The following ZFYVE28 variants were observed in gnomAD, a reference collection of about 807,000 sequenced individuals.
ZFYVE28 encodes zinc finger FYVE-type containing 28, also known as lateral signaling target protein 2 homolog.
ZFYVE28 carries 40 observed loss-of-function variants against 82.1 expected under a neutral mutation model. The observed-to-expected ratio is 0.49, with a 90% confidence interval of 0.38 to 0.63. The LOEUF is 0.63. Among genes scored for constraint, ZFYVE28 ranks in the 30% least tolerant of loss-of-function variants. The pLI is 0.00. For missense variants in ZFYVE28, 1,321 were observed against 1,242.1 expected (o/e 1.06, Z -0.96); for synonymous variants, 612 against 546.1 (o/e 1.12, Z -1.68).
intron 1 of ZFYVE28, among the ~76,000 whole-genome samples, chr4:2,393,158 G>A (rs1730017101): frequency 6.6e-6 from 1 of 152,172 alleles, no homozygotes; most frequent in Admixed American, 6.5e-5. Flanking sequence ...GACCCCCACA[G>A]CTCCTCGGCC....
rs555029022 is a variant in ZFYVE28, at chr4:2,379,157, C to G, written c.40-25084G>C. On this transcript the variant is annotated intron_variant, in intron 1 of 12. Coordinates refer to ENST00000290974, the MANE Select transcript of ZFYVE28 (RefSeq NM_020972.3). ...CCCCCAGTCTGCACCATGCTGGCAG[C>G]AGAACCCGTGCCAGAGAGCAAGGAG... is the stretch of plus-strand genomic sequence containing the variant. Among the ~76,000 whole-genome samples the G allele has an allele frequency of 1.3e-5, 2 of 152,326 alleles. 1 individual carries two copies. Among genetic ancestry groups the G allele is most frequent in the South Asian group, 4.1e-4 (2 of 4,824 alleles).
At chr4:2,303,717 G>A (rs923601256) in intron 8 of ZFYVE28, among the ~76,000 whole-genome samples, 2 of 152,092 alleles carry the variant, frequency 1.3e-5, no homozygotes, top group Non-Finnish European at 2.9e-5. Flanking sequence ...CCTGGGAGGG[G>A]CAGAGGCCCT....
chr4:2,319,496 G>A (rs906444555), intron 7 of ZFYVE28, among the ~76,000 whole-genome samples: 11 of 152,128 alleles, frequency 7.2e-5, no homozygotes, highest in East Asian at 1.9e-4. Flanking sequence ...CTGGGTCCCC[G>A]AAGGAAACCT....
At chr4:2,371,141 G>C (rs1014504095) in intron 1 of ZFYVE28, among the ~76,000 whole-genome samples, 12 of 152,188 alleles carry the variant, frequency 7.9e-5, no homozygotes, top group African/African-American at 2.9e-4. Context: ...GAGCTCACGT[G>C]GGGGCTGAGT....
chr4:2,384,216 C>T (rs778891745), intron 1 of ZFYVE28, among the ~76,000 whole-genome samples: 5 of 152,176 alleles, frequency 3.3e-5, no homozygotes, highest in East Asian at 1.9e-4. Context: ...CTTCGACAAA[C>T]GCTGAGGAAC....
At chr4:2,280,327 A>G (rs1711791485) in intron 8 of ZFYVE28, among the ~76,000 whole-genome samples, 1 of 152,048 alleles carries the variant, frequency 6.6e-6, no homozygotes. Flanking sequence ...GGGCAACATG[A>G]CAAGACCTCT....
chr4:2,292,379 C>A (rs539062337), intron 8 of ZFYVE28, among the ~76,000 whole-genome samples: 1 of 152,106 alleles, frequency 6.6e-6, no homozygotes, highest in South Asian at 2.1e-4. Flanking sequence ...CATAGGGCAA[C>A]GCTAGGTCGA....
chr4:2,334,776 G>GCCTCCCCTCTTCCC (rs1284269886), intron 6 of ZFYVE28, among the ~76,000 whole-genome samples: 5 of 7,304 alleles, frequency 6.8e-4, no homozygotes, highest in African/African-American at 2.0e-3. Context: ...CCCCACTTCC[G>GCCTCCCCTCTTCCC]CCTCCCCTCT....
intron 7 of ZFYVE28, among the ~76,000 whole-genome samples, chr4:2,318,172 G>A (rs1578061348): frequency 6.6e-6 from 1 of 152,218 alleles, no homozygotes; most frequent in African/African-American, 2.4e-5. Flanking sequence ...GGGAAGAACA[G>A]CCAAGTAGAC....
intron 1 of ZFYVE28, among the ~76,000 whole-genome samples, chr4:2,368,218 A>AAAAAAC (rs1553856555): frequency 8.6e-4 from 113 of 131,882 alleles, no homozygotes; most frequent in African/African-American, 2.9e-3. Context: ...CTACAAAAAA[A>AAAAAAC]AAAAAAAAAA....
intron 1 of ZFYVE28, among the ~76,000 whole-genome samples, chr4:2,384,193 T>C (rs1729017411): frequency 2.0e-5 from 3 of 152,090 alleles, no homozygotes. Context: ...CAGAGCCCTC[T>C]CCTCCCCGGG....
intron 5 of ZFYVE28, among the ~76,000 whole-genome samples, chr4:2,337,113 T>G (rs919702977): frequency 6.6e-6 from 1 of 151,982 alleles, no homozygotes; most frequent in African/African-American, 2.4e-5. Context: ...GCCTTCCAGC[T>G]TTTGTCCTCT....
intron 1 of ZFYVE28, among the ~76,000 whole-genome samples, chr4:2,391,149 T>A (rs1484817545): frequency 6.6e-6 from 1 of 152,242 alleles, no homozygotes; most frequent in Non-Finnish European, 1.5e-5. Context: ...TCCCTCTGTG[T>A]TTCCTGATTT....
At chr4:2,286,583 G>A (rs541632041) in intron 8 of ZFYVE28, 3 of 152,406 alleles carry the variant, frequency 2.0e-5, no homozygotes, top group East Asian at 3.9e-4. Flanking sequence ...TCTGACGCAT[G>A]GATGCTGCAG....
At chr4:2,290,194 C>T (rs1055861397) in intron 8 of ZFYVE28, among the ~76,000 whole-genome samples, 3 of 152,316 alleles carry the variant, frequency 2.0e-5, no homozygotes, top group East Asian at 3.9e-4. Context: ...GCTGGCAACC[C>T]GGAGCCCAGA....
At chr4:2,337,319 C>A (rs1208211292) in intron 5 of ZFYVE28, 88 bp downstream of exon 5, 7 of 1,167,086 alleles carry the variant, frequency 6.0e-6, no homozygotes, top group Non-Finnish European at 7.2e-6. Flanking sequence ...ACAGCAGGTT[C>A]CCCCAGAGCT....
At chr4:2,334,474 AC>A (rs1301007694) in intron 6 of ZFYVE28, among the ~76,000 whole-genome samples, 1 of 151,150 alleles carries the variant, frequency 6.6e-6, no homozygotes, top group Non-Finnish European at 1.5e-5. Flanking sequence ...CCACCTCTGC[AC>A]CCCCATTTCC....
At chr4:2,329,240 C>T in intron 6 of ZFYVE28, 1 of 507,432 alleles carries the variant, frequency 2.0e-6, no homozygotes, top group East Asian at 3.0e-5. Flanking sequence ...TTAAGTCTTC[C>T]CATCCATGAA....
chr4:2,301,611 G>C (rs1715533518), intron 8 of ZFYVE28, among the ~76,000 whole-genome samples: 1 of 152,160 alleles, frequency 6.6e-6, no homozygotes, highest in Non-Finnish European at 1.5e-5. Context: ...CAGGAAGGTG[G>C]GAGGAGCTTC....
Sources: gnomAD v4.1 joint callset for allele counts (sites outside exome capture counted in the v4.1 genomes callset) on GRCh38, gnomAD v4.1.1 for gene constraint, MANE v1.5 for transcripts, NCBI Gene and HGNC (gene_info 2026-07-23, HGNC 2026-07-21) for gene names.